GMEB2: variants seen among roughly 807,000 people sequenced by gnomAD.
GMEB2 encodes glucocorticoid modulatory element-binding protein 2.
Under a neutral mutation model 45.7 loss-of-function variants are expected in GMEB2, and 7 were observed. The ratio of observed to expected loss-of-function variants is 0.15; its 90% CI spans 0.09 to 0.29. The LOEUF is 0.29. Ranked by LOEUF, GMEB2 falls within the 10% of genes least tolerant of loss-of-function variation. The pLI is 1.00. For synonymous variants in GMEB2, 322 were observed against 323.6 expected, an observed-to-expected ratio of 1.00 and a Z score of 0.05; for missense variants, 582 against 739.2, an observed-to-expected ratio of 0.79 and a Z score of 2.47.
intron 2 of GMEB2, among the ~76,000 whole-genome samples, chr20:63,606,556 C>A (rs2089520902): frequency 6.6e-6 from 1 of 152,130 alleles, no homozygotes; most frequent in South Asian, 2.1e-4. Context: ...ACTGTGTTAA[C>A]CAGGATGGTC....
intron 4 of GMEB2, among the ~76,000 whole-genome samples, chr20:63,599,972 T>C (rs1249907177): frequency 2.0e-5 from 3 of 152,196 alleles, no homozygotes; most frequent in Non-Finnish European, 4.4e-5. Flanking sequence ...TTATCATTCA[T>C]ACATTATTCT....
Position 63,592,152 on chromosome 20 carries a change from G to C in GMEB2, c.830-8C>G. 6.2e-7 allele frequency: 1 copy of C among 1,611,996 alleles called. No individual in the cohort carries two copies. Among genetic ancestry groups the C allele is most frequent in the Non-Finnish European group, 8.5e-7 (1 of 1,179,298 alleles). On this transcript the variant is annotated splice_region_variant and splice_polypyrimidine_tract_variant and intron_variant, in intron 8 of 9. Transcript: ENST00000370077. This position sits in a 1 kb window ranked among gnomAD's most constrained non-coding sequence, Gnocchi z 8.2. ...TGTTGAGAAGTACAGCATCTTAAAG[G>C]GTAACGCGGACACTCAGTGAGAGCC...
At position 63,592,034 on chromosome 20, in the gene GMEB2, G is replaced by C; in HGVS notation, c.940C>G (p.Arg314Gly). ...GGTCTCAGCATACCTGCCAGGTCCCGGGCGTACTGCTCCCGCGAGCGGTCC... is the reference window on the plus strand; with the variant it reads ...GGTCTCAGCATACCTGCCAGGTCCCCGGCGTACTGCTCCCGCGAGCGGTCC... ...QMDRSREQYA[R>G]DLAALEQQCD... The change falls in exon 9 of 10, where the codon CGG (arginine) becomes GGG (glycine). Residue 314 changes from arginine (R) to glycine (G), a missense_variant. Coordinates refer to ENST00000370077, the MANE Select transcript of GMEB2 (RefSeq NM_012384.5). This position sits in a 1 kb window ranked among gnomAD's most constrained non-coding sequence, Gnocchi z 8.2. 1 of 1,611,458 alleles carries C rather than the reference G, an allele frequency of 6.2e-7. No homozygotes were observed. The highest frequency in any genetic ancestry group is 8.5e-7 in the Non-Finnish European group (1 of 1,179,740).
intron 4 of GMEB2, among the ~76,000 whole-genome samples, chr20:63,602,347 C>T (rs947606342): frequency 6.6e-6 from 1 of 152,136 alleles, no homozygotes; most frequent in South Asian, 2.1e-4. Context: ...TTGGAAGGGA[C>T]AGTCACCACC....
chr20:63,613,295 G>GCAAAA (rs1475999587), intron 2 of GMEB2, among the ~76,000 whole-genome samples: 1 of 152,196 alleles, frequency 6.6e-6, no homozygotes, highest in Admixed American at 6.5e-5. Context: ...TGTTCATAAA[G>GCAAAA]CAAAGCTAAC....
At chr20:63,605,970 C>A (rs933532614) in intron 2 of GMEB2, among the ~76,000 whole-genome samples, 1 of 151,722 alleles carries the variant, frequency 6.6e-6, no homozygotes, top group African/African-American at 2.4e-5. Flanking sequence ...AAAAAAAAAA[C>A]CCAGCAGGTG....
chr20:63,601,833 C>CT (rs1280956376), intron 4 of GMEB2, among the ~76,000 whole-genome samples: 1 of 145,968 alleles, frequency 6.9e-6, no homozygotes, highest in Non-Finnish European at 1.5e-5. Flanking sequence ...CTGCCTGTGG[C>CT]TTCCGTGGGG....
chr20:63,588,438 CAACTA>C lies in GMEB2; in HGVS notation c.*1646_*1650del. The C allele has an allele frequency of 8.6e-6, 2 of 233,710 alleles. No homozygotes were observed. Among genetic ancestry groups the C allele is most frequent in the Middle Eastern group, 1.3e-3 (1 of 752 alleles). 14.5% of individuals were successfully genotyped at this position (233,710 alleles called of 1,614,324 possible). On this transcript the variant is annotated 3_prime_UTR_variant, in exon 10 of 10. Coordinates refer to ENST00000370077, the MANE Select transcript of GMEB2 (RefSeq NM_012384.5). Reference sequence around the variant, plus strand: ...TCATACCGCTGCATGCTGCAGAACTCAACTAGAGTGGAAATGAGTTTAAAACGGAG... The same window carrying C: ...TCATACCGCTGCATGCTGCAGAACTCGAGTGGAAATGAGTTTAAAACGGAG...
At chr20:63,610,040 C>T (rs1184229413) in intron 2 of GMEB2, among the ~76,000 whole-genome samples, 1 of 152,232 alleles carries the variant, frequency 6.6e-6, no homozygotes, top group Non-Finnish European at 1.5e-5. Flanking sequence ...GGTGTTCCCA[C>T]ACTGGCATGA....
At chr20:63,607,054 C>T (rs188277880) in intron 2 of GMEB2, among the ~76,000 whole-genome samples, 2 of 151,756 alleles carry the variant, frequency 1.3e-5, no homozygotes, top group Admixed American at 1.3e-4. Flanking sequence ...TTTCTAGAAA[C>T]ATGCCCCTCT....
At chr20:63,609,304 C>A (rs1319160603) in intron 2 of GMEB2, among the ~76,000 whole-genome samples, 10 of 72,210 alleles carry the variant, frequency 1.4e-4, no homozygotes, top group African/African-American at 5.3e-4. Flanking sequence ...AGAAACATGT[C>A]CCTCTGACTC....
intron 1 of GMEB2, among the ~76,000 whole-genome samples, chr20:63,620,670 T>C (rs564295101): frequency 6.6e-6 from 1 of 152,148 alleles, no homozygotes; most frequent in East Asian, 1.9e-4. Context: ...GGAAAGTCTC[T>C]AAAATAAACT....
Position 63,592,128 on chromosome 20 carries a change from G to A in GMEB2, c.846C>T (p.Asn282=). Residue 282 remains asparagine (N), a synonymous_variant, in exon 9 of 10, where the codon AAC becomes AAT. Coordinates refer to ENST00000370077, the MANE Select transcript of GMEB2 (RefSeq NM_012384.5). The surrounding 1 kb of genome is among the most constrained non-coding windows in gnomAD (Gnocchi z 8.2). ...PLQLRDAVLL[N]NIVQNFGMLD... ...GCATGCCGAAGTTCTGCACGATGTT[G>A]TTGAGAAGTACAGCATCTTAAAGGG... is the stretch of plus-strand genomic sequence containing the variant. 6.2e-7 allele frequency: 1 copy of A among 1,613,554 alleles called. No individual in the cohort carries two copies. Among genetic ancestry groups the A allele is most frequent in the Non-Finnish European group, 8.5e-7 (1 of 1,179,806 alleles).
chr20:63,626,558 G>GC (rs577767025), intron 1 of GMEB2, among the ~76,000 whole-genome samples: 127 of 142,774 alleles, frequency 8.9e-4, no homozygotes, highest in African/African-American at 3.1e-3. Context: ...TCGCGTGGTG[G>GC]CCCCTGCGGG....
At position 63,592,944 on chromosome 20, in the gene GMEB2, C is replaced by T. The variant is rs2083161483; in HGVS notation, c.691+67G>A. 1.9e-6 allele frequency: 2 copies of T among 1,076,594 alleles called. No individual in the cohort carries two copies. Among genetic ancestry groups the T allele is most frequent in the African/African-American group, 1.5e-5 (1 of 64,652 alleles). 66.7% of individuals were successfully genotyped at this position (1,076,594 alleles called of 1,614,324 possible). A position where few individuals can be genotyped will look rare whatever the true frequency, so the allele number is the denominator to read the frequency against. On this transcript the variant is annotated intron_variant, in intron 7 of 9. Transcript: ENST00000370077. The surrounding 1 kb of genome is among the most constrained non-coding windows in gnomAD (Gnocchi z 8.2). ...GGACTCCTGGAGCCCCTGTGTGGCCCGAGGTGGGCAGAGACTCCACCACCC... is the reference window on the plus strand; with the variant it reads ...GGACTCCTGGAGCCCCTGTGTGGCCTGAGGTGGGCAGAGACTCCACCACCC...
rs190343461 is a variant in GMEB2, at chr20:63,592,859, G to A, written c.691+152C>T. On this transcript the variant is annotated intron_variant, in intron 7 of 9. Transcript: ENST00000370077. The surrounding 1 kb of genome is among the most constrained non-coding windows in gnomAD (Gnocchi z 8.2). ...AAATCTAGCAGGTCAGCCTCAGAGCGCCCACGACAATGCTGCTGGAACCAG... is the reference window on the plus strand; with the variant it reads ...AAATCTAGCAGGTCAGCCTCAGAGCACCCACGACAATGCTGCTGGAACCAG... The A allele has an allele frequency of 3.5e-3, 2,468 of 710,994 alleles. 14 individuals carry two copies. Among genetic ancestry groups the A allele is most frequent in the Non-Finnish European group, 4.3e-3 (1,739 of 401,416 alleles). 44.0% of individuals were successfully genotyped at this position (710,994 alleles called of 1,614,324 possible). A position where few individuals can be genotyped will look rare whatever the true frequency, so the allele number is the denominator to read the frequency against.
chr20:63,623,064 A>G (rs2089649768), intron 1 of GMEB2, among the ~76,000 whole-genome samples: 1 of 152,238 alleles, frequency 6.6e-6, no homozygotes, highest in African/African-American at 2.4e-5. Context: ...ACATCTAAAC[A>G]CAAGCACTAA....
chr20:63,598,451 A>G (rs1249775756), intron 4 of GMEB2, among the ~76,000 whole-genome samples: 1 of 152,150 alleles, frequency 6.6e-6, no homozygotes, highest in African/African-American at 2.4e-5. Context: ...CTGAGAAGGT[A>G]AAATATCCTG....
At chr20:63,624,933 C>T (rs1340616120) in intron 1 of GMEB2, among the ~76,000 whole-genome samples, 1 of 151,936 alleles carries the variant, frequency 6.6e-6, no homozygotes, top group African/African-American at 2.4e-5. Flanking sequence ...GTCTCGATCT[C>T]CTGACCTCGT....
Sources: allele counts gnomAD v4.1 joint callset (sites outside exome capture counted in the v4.1 genomes callset), GRCh38; gene constraint gnomAD v4.1.1; non-coding constraint Gnocchi (gnomAD v3.1); transcripts MANE v1.5; gene names NCBI Gene and HGNC (gene_info 2026-07-23, HGNC 2026-07-21).